CRTC2: variants seen among roughly 807,000 people sequenced by gnomAD.
CRTC2 encodes the protein CREB-regulated transcription coactivator 2.
CRTC2 carries 25 observed loss-of-function variants against 70.9 expected under a neutral mutation model. That is an observed-to-expected ratio of 0.35 (90% CI 0.26 to 0.49). The LOEUF (loss-of-function observed/expected upper bound fraction) is 0.49, where lower values mean the gene tolerates loss of function less well. CRTC2 is among the 20% of genes least tolerant of loss of function. CRTC2 has a pLI of 0.98. For missense variants in CRTC2, 737 were observed against 882.6 expected, an observed-to-expected ratio of 0.83 and a Z score of 2.09; for synonymous variants, 330 against 364.1, an observed-to-expected ratio of 0.91 and a Z score of 1.07.
Position 153,958,490 on chromosome 1 carries a change from G to C in CRTC2, c.8C>G (p.Thr3Arg). ...CGAACCAGGCCCGTTCGCCCCCGAC[G>C]TCGCCATCTTCCTTCCCCGTCCCTC... MA[T>R]SGANGPGSAT... is the part of the protein sequence containing the mutation. The change falls in exon 1 of 14, where the codon ACG becomes AGG. Residue 3 changes from threonine to arginine, a missense_variant. Coordinates refer to ENST00000368633, the MANE Select transcript of CRTC2 (RefSeq NM_181715.3). The C allele has an allele frequency of 6.2e-7, 1 of 1,608,998 alleles. No individual in the cohort carries two copies. The highest frequency in any genetic ancestry group is 8.5e-7 in the Non-Finnish European group (1 of 1,176,760).
chr1:153,953,611 G>A lies in CRTC2; in HGVS notation c.435-5C>T, dbSNP rs1218537953. ...AAATTGCCCCAGGCCATCGTCCTGG[G>A]GTAGAAAAACAAAGTCATGAGGAGG... is the stretch of plus-strand genomic sequence containing the variant. On this transcript the variant is annotated splice_region_variant and splice_polypyrimidine_tract_variant and intron_variant, in intron 4 of 13. Coordinates refer to ENST00000368633, the MANE Select transcript of CRTC2 (RefSeq NM_181715.3). The A allele has an allele frequency of 1.9e-6, 3 of 1,604,694 alleles. No homozygotes were observed. Among genetic ancestry groups the A allele is most frequent in the South Asian group, 2.2e-5 (2 of 89,886 alleles).
intron 1 of CRTC2, among the ~76,000 whole-genome samples, chr1:153,956,367 T>C (rs951456389): frequency 1.3e-5 from 2 of 152,226 alleles, no homozygotes; most frequent in Non-Finnish European, 2.9e-5. Context: ...CAGCCTGGCA[T>C]GGGTTTAGCC....
rs1054841279 is a variant in CRTC2, at chr1:153,948,805, G to A, written c.1675-161C>T. 19 of 840,960 alleles carry A rather than the reference G, an allele frequency of 2.3e-5. No homozygotes were observed. In the African/African-American group the frequency reaches 2.3e-4, roughly 10 times the overall value. 52.1% of individuals were successfully genotyped at this position (840,960 alleles called of 1,614,324 possible). A position where few individuals can be genotyped will look rare whatever the true frequency, so the allele number is the denominator to read the frequency against. On this transcript the variant is annotated intron_variant, in intron 12 of 13. Coordinates refer to ENST00000368633, the MANE Select transcript of CRTC2 (RefSeq NM_181715.3). ...CAAGCAGAGCGACAGAAGCGAGCAC[G>A]GGGCCCGAAGTAAGTATGGGCACCG...
chr1:153,954,375 G>A, intron 3 of CRTC2, 59 bp from the exon 4 acceptor site: 1 of 1,227,124 alleles, frequency 8.1e-7, no homozygotes, highest in Non-Finnish European at 1.2e-6. Flanking sequence ...GCCAAATGAG[G>A]AAAGAACAAT....
intron 1 of CRTC2, among the ~76,000 whole-genome samples, chr1:153,956,884 G>A (rs1680647622): frequency 6.6e-6 from 1 of 152,134 alleles, no homozygotes; most frequent in South Asian, 2.1e-4. Context: ...CAGCTTTTGA[G>A]TTTCGCACAG....
At chr1:153,954,433 T>C (rs1680521253) in intron 3 of CRTC2, 117 bp from the exon 4 acceptor site, 3 of 736,970 alleles carry the variant, frequency 4.1e-6, no homozygotes, top group Non-Finnish European at 4.9e-6. Flanking sequence ...TTTCTCCTCT[T>C]CTATAAGGGA....
chr1:153,948,551 G>A lies in CRTC2; in HGVS notation c.1768C>T (p.Pro590Ser). ...EGPGFLGGEG[P>S]MGGPQDPHTF... is the part of the protein sequence containing the mutation. ...TGGGGATCCTGGGGGCCACCCATTG[G>A]CCCCTCACCCCCTAAAAATCCAGGC... Residue 590 changes from proline (P) to serine (S), a missense_variant, in exon 13 of 14, where the codon CCA becomes TCA. Physicochemically the swap from Pro to Ser is moderately conservative, Grantham distance 74. This residue lies in a region of CRTC2 where 699 missense variants were observed against 823.7 expected (regional missense o/e 0.85). Transcript: ENST00000368633. 1 of 1,611,932 alleles carries A rather than the reference G, an allele frequency of 6.2e-7. No homozygotes were observed. Among genetic ancestry groups the A allele is most frequent in the South Asian group, 1.1e-5 (1 of 90,804 alleles).
rs548614675 is a variant in CRTC2 at position 153,950,436 on chromosome 1, C to T, written c.1404+824G>A. ...TCAGTCTTTCCTACAAAAGAGGGGA[C>T]CTGAGTAAAGATGGAACACAGAACA... On this transcript the variant is annotated intron_variant, in intron 11 of 13. Coordinates refer to ENST00000368633, the MANE Select transcript of CRTC2 (RefSeq NM_181715.3). Among the ~76,000 whole-genome samples, 34 of 152,076 alleles carry T rather than the reference C, an allele frequency of 2.2e-4. 1 individual carries two copies. Among genetic ancestry groups the T allele is most frequent in the African/African-American group, 8.2e-4 (34 of 41,446 alleles).
Position 153,951,415 on chromosome 1 carries a change from G to A in CRTC2, c.1249C>T (p.Pro417Ser), listed in dbSNP as rs769567701. Residue 417 changes from proline (P) to serine (S), a missense_variant, in exon 11 of 14, where the codon CCT becomes TCT. By Grantham distance (74) the Pro-to-Ser change is moderately conservative. This residue lies in a region of CRTC2 where 699 missense variants were observed against 823.7 expected (regional missense o/e 0.85). Transcript: ENST00000368633. ...GGGGAGGCCCCAGGGGTAGAAGCAG[G>A]GTAAGAGGGGGCGCCCAAAACAGGA... ...SSPVLGAPSY[P>S]ASTPGASPHH... is the part of the protein sequence containing the mutation. 1.2e-5 allele frequency: 19 copies of A among 1,606,234 alleles called. No individual in the cohort carries two copies. Among genetic ancestry groups the A allele is most frequent in the African/African-American group, 5.4e-5 (4 of 74,756 alleles).
At chr1:153,948,967 G>T in intron 12 of CRTC2, 148 bp downstream of exon 12, 1 of 879,778 alleles carries the variant, frequency 1.1e-6, no homozygotes, top group Non-Finnish European at 1.8e-6. Flanking sequence ...AGCTGGCAGT[G>T]CTATGTTACC....
At chr1:153,955,696 T>TA (rs113742936) in intron 1 of CRTC2, among the ~76,000 whole-genome samples, 38,894 of 142,846 alleles carry the variant, frequency 0.27, 5,660 homozygotes, top group Admixed American at 0.39. Context: ...AAAAAAAAGT[T>TA]AAAAAAAAAA....
At chr1:153,949,518 T>C (rs945255024) in intron 11 of CRTC2, 134 bp from the exon 12 acceptor site, 15 of 968,544 alleles carry the variant, frequency 1.5e-5, no homozygotes, top group African/African-American at 1.7e-5. Flanking sequence ...CTCACGGGCA[T>C]CCCTGGGGTT....
chr1:153,955,195 C>T (rs1680559256), intron 1 of CRTC2, 29 bp from the exon 2 acceptor site: 2 of 1,536,216 alleles, frequency 1.3e-6, no homozygotes, highest in African/African-American at 1.4e-5. Context: ...GTGGGAATGT[C>T]AGGAGGGTCC....
At chr1:153,956,480 G>C (rs779206881) in intron 1 of CRTC2, among the ~76,000 whole-genome samples, 31 of 152,234 alleles carry the variant, frequency 2.0e-4, no homozygotes, top group Non-Finnish European at 3.8e-4. Context: ...CCATGGGGAG[G>C]AGGGCAGCTG....
At position 153,958,559 on chromosome 1, in the gene CRTC2, C is replaced by T. The variant is rs1680767629; in HGVS notation, c.-62G>A. 3.4e-6 allele frequency: 5 copies of T among 1,468,766 alleles called. No homozygotes were observed. Among genetic ancestry groups the T allele is most frequent in the South Asian group, 2.6e-5 (2 of 77,662 alleles). 91.0% of individuals were successfully genotyped at this position (1,468,766 alleles called of 1,614,324 possible). On this transcript the variant is annotated 5_prime_UTR_variant, in exon 1 of 14. Transcript: ENST00000368633. ...CCAGCCGCGGCCTCCGCCGCGGCCTCGGCCCGGCTCCTCCAGCCGTAGCCA... is the reference window on the plus strand; with the variant it reads ...CCAGCCGCGGCCTCCGCCGCGGCCTTGGCCCGGCTCCTCCAGCCGTAGCCA...
chr1:153,953,182 C>CA, intron 6 of CRTC2, 84 bp downstream of exon 6: 2 of 740,922 alleles, frequency 2.7e-6, no homozygotes, highest in South Asian at 3.3e-5. Context: ...GACTCCGTCT[C>CA]AAAAAAGAAA....
At chr1:153,955,651 C>T (rs942295859) in intron 1 of CRTC2, among the ~76,000 whole-genome samples, 3 of 149,010 alleles carry the variant, frequency 2.0e-5, no homozygotes, top group African/African-American at 7.5e-5. Flanking sequence ...CCACTCTAGC[C>T]GCCTGGGTGA....
chr1:153,949,659 G>T (rs1202959951), intron 11 of CRTC2, among the ~76,000 whole-genome samples: 1 of 152,090 alleles, frequency 6.6e-6, no homozygotes, highest in Non-Finnish European at 1.5e-5. Flanking sequence ...GACCAGCCTG[G>T]CCAACATGGT....
chr1:153,957,660 G>T (rs1680695148), intron 1 of CRTC2, among the ~76,000 whole-genome samples: 2 of 152,112 alleles, frequency 1.3e-5, no homozygotes, highest in South Asian at 4.1e-4. Flanking sequence ...GCAAACCATA[G>T]AGTTCCACAC....
Sources: gnomAD v4.1 joint callset for allele counts (sites outside exome capture counted in the v4.1 genomes callset) on GRCh38, gnomAD v4.1.1 for gene constraint, gnomAD v4.1.1 regional missense constraint, MANE v1.5 for transcripts, NCBI Gene and HGNC (gene_info 2026-07-23, HGNC 2026-07-21) for gene names.